AGPAT4: variants seen among roughly 807,000 people sequenced by gnomAD.
The protein encoded by AGPAT4 is 1-acylglycerol-3-phosphate O-acyltransferase 4.
AGPAT4 carries 15 observed loss-of-function variants against 48.0 expected under a neutral mutation model. That is an observed-to-expected ratio of 0.31 (90% confidence interval 0.21 to 0.48). The LOEUF (loss-of-function observed/expected upper bound fraction) is 0.48. Among genes scored for constraint, AGPAT4 ranks in the 20% least tolerant of loss-of-function variants. AGPAT4 has a pLI of 0.99. For synonymous variants in AGPAT4, 178 were observed against 198.7 expected (o/e 0.90, Z 0.88); for missense variants, 314 against 482.5 (o/e 0.65, Z 3.27).
At chr6:161,151,383 T>C (rs1417701927) in intron 5 of AGPAT4, among the ~76,000 whole-genome samples, 1 of 152,164 alleles carries the variant, frequency 6.6e-6, no homozygotes. Context: ...TTGTTAACTC[T>C]CCGTGATGAA....
rs35265636 is a variant in AGPAT4 at position 161,206,689 on chromosome 6, A to AT, written c.178+25346dup. ...TCACAACTTGAAAGAGAAAAAGACA[A>AT]TTGACACATGCCAACCCTGGGATGA... On this transcript the variant is annotated intron_variant, in intron 2 of 8. Coordinates refer to ENST00000320285, the MANE Select transcript of AGPAT4 (RefSeq NM_020133.3). The surrounding 1 kb of genome is among the most constrained non-coding windows in gnomAD (Gnocchi z 4.8). Among the ~76,000 whole-genome samples, 16,780 of 152,192 alleles carry AT rather than the reference A, an allele frequency of 0.11. 1,163 individuals are homozygous for AT. The highest frequency in any genetic ancestry group is 0.2 in the African/African-American group (8,203 of 41,500).
chr6:161,145,593 CTG>C (rs1346704576), intron 7 of AGPAT4, among the ~76,000 whole-genome samples: 1 of 151,630 alleles, frequency 6.6e-6, no homozygotes, highest in Non-Finnish European at 1.5e-5. Flanking sequence ...ATACTAGAGT[CTG>C]TTAAGAGTCT....
chr6:161,211,419 A>T (rs1464738250), intron 2 of AGPAT4, among the ~76,000 whole-genome samples: 1 of 152,180 alleles, frequency 6.6e-6, no homozygotes, highest in African/African-American at 2.4e-5. Context: ...TGAGGAAATA[A>T]AAGAGATGTA....
chr6:161,261,485 A>C lies in AGPAT4; in HGVS notation c.-90+12453T>G, dbSNP rs1479501350. Among the ~76,000 whole-genome samples, 1 of 152,214 alleles carries C rather than the reference A, an allele frequency of 6.6e-6. No homozygotes were observed. The highest frequency in any genetic ancestry group is 1.5e-5 in the Non-Finnish European group (1 of 68,032). Reference sequence around the variant, plus strand: ...CATAGAATGAATGAACTGAATGGTCAGTCACATTCACCACACTGCTCCAGG... The same window carrying C: ...CATAGAATGAATGAACTGAATGGTCCGTCACATTCACCACACTGCTCCAGG... On this transcript the variant is annotated intron_variant, in intron 1 of 8. Coordinates refer to ENST00000320285, the MANE Select transcript of AGPAT4 (RefSeq NM_020133.3). The surrounding 1 kb of genome is among the most constrained non-coding windows in gnomAD (Gnocchi z 5.3).
rs1779693296 is a variant in AGPAT4 at position 161,154,146 on chromosome 6, T to C, written c.510+3A>G. ...GGACACAGCTGCTCTGGTGCCTACA[T>C]ACAAAATACTTCTCGGGGTAGTCCC... On this transcript the variant is annotated splice_donor_region_variant and intron_variant, in intron 4 of 8. Coordinates refer to ENST00000320285, the MANE Select transcript of AGPAT4 (RefSeq NM_020133.3). This position sits in a 1 kb window ranked among gnomAD's most constrained non-coding sequence, Gnocchi z 7.8. 6.2e-7 allele frequency: 1 copy of C among 1,613,956 alleles called. No homozygotes were observed. The highest frequency in any genetic ancestry group is 1.1e-5 in the South Asian group (1 of 91,080).
intron 1 of AGPAT4, among the ~76,000 whole-genome samples, chr6:161,237,098 A>T (rs1782305409): frequency 6.6e-6 from 1 of 152,350 alleles, no homozygotes; most frequent in South Asian, 2.1e-4. Flanking sequence ...AGAAGGCCGC[A>T]TCTGACCCAT....
In AGPAT4 at chr6:161,259,411, C is replaced by G. The variant is rs17628112; in HGVS notation, c.-90+14527G>C. Among the ~76,000 whole-genome samples, 3,206 of 152,142 alleles carry G rather than the reference C, an allele frequency of 0.021. 319 individuals are homozygous for G. Among genetic ancestry groups the G allele is most frequent in the Admixed American group, 0.19 (2,845 of 15,274 alleles). On this transcript the variant is annotated intron_variant, in intron 1 of 8. Transcript: ENST00000320285. This position sits in a 1 kb window ranked among gnomAD's most constrained non-coding sequence, Gnocchi z 4.9. ...ACCTTGGCTGTCCGCAGCGCGTATG[C>G]TTTGAGTTGCTGGTGATCACGGACT...
At position 161,141,746 on chromosome 6, in the gene AGPAT4, T is replaced by C. The variant is rs901392775; in HGVS notation, c.844-2126A>G. 2.0e-5 allele frequency among the ~76,000 whole-genome samples: 3 copies of C among 152,196 alleles called. No homozygotes were observed. The highest frequency in any genetic ancestry group is 4.4e-5 in the Non-Finnish European group (3 of 68,016). On this transcript the variant is annotated intron_variant, in intron 7 of 8. Coordinates refer to ENST00000320285, the MANE Select transcript of AGPAT4 (RefSeq NM_020133.3). The surrounding 1 kb of genome is among the most constrained non-coding windows in gnomAD (Gnocchi z 6.7). The stretch of plus-strand genomic sequence containing the variant: ...CAAAGGGGAACTCACCATGGTGCCT[T>C]TTCTGTCTTGTTTCCAGAAAGACAT...
At position 161,189,051 on chromosome 6, in the gene AGPAT4, G is replaced by A. The variant is rs1455259224; in HGVS notation, c.179-22634C>T. ...TTCTTAGAATCTTAGTAATTTTGAA[G>A]TAATAAATCTGTGCCTATTTTATAT... On this transcript the variant is annotated intron_variant, in intron 2 of 8. Coordinates refer to ENST00000320285, the MANE Select transcript of AGPAT4 (RefSeq NM_020133.3). This position sits in a 1 kb window ranked among gnomAD's most constrained non-coding sequence, Gnocchi z 5.3. Among the ~76,000 whole-genome samples, 1 of 152,186 alleles carries A rather than the reference G, an allele frequency of 6.6e-6. No homozygotes were observed. Among genetic ancestry groups the A allele is most frequent in the Non-Finnish European group, 1.5e-5 (1 of 68,036 alleles).
At chr6:161,168,204 A>G (rs1025764130) in intron 2 of AGPAT4, among the ~76,000 whole-genome samples, 4 of 152,074 alleles carry the variant, frequency 2.6e-5, no homozygotes, top group East Asian at 1.9e-4. Context: ...ATTTGTTACC[A>G]TGGGGCACGA....
rs142389035 is a variant in AGPAT4, at chr6:161,177,628, C to G, written c.179-11211G>C. ...CTCGGAGAAGTTTGTTATTACTGAT[C>G]GTCTGAAGCCTTCTTTTCTCAACAT... On this transcript the variant is annotated intron_variant, in intron 2 of 8. Transcript: ENST00000320285. The surrounding 1 kb of genome is among the most constrained non-coding windows in gnomAD (Gnocchi z 5.0). 1.8e-4 allele frequency among the ~76,000 whole-genome samples: 28 copies of G among 152,260 alleles called. No homozygotes were observed. Among genetic ancestry groups the G allele is most frequent in the Middle Eastern group, 3.4e-3 (1 of 294 alleles).
At position 161,255,271 on chromosome 6, in the gene AGPAT4, T is replaced by C. The variant is rs1228849881; in HGVS notation, c.-90+18667A>G. On this transcript the variant is annotated intron_variant, in intron 1 of 8. Transcript: ENST00000320285. This position sits in a 1 kb window ranked among gnomAD's most constrained non-coding sequence, Gnocchi z 4.7. ...CCCTCTGCAAAATACCATTGCTTCT[T>C]TCGCTTCAGAAAAGATTTTGGGAAG... Among the ~76,000 whole-genome samples, 1 of 152,214 alleles carries C rather than the reference T, an allele frequency of 6.6e-6. No individual in the cohort carries two copies. The highest frequency in any genetic ancestry group is 1.5e-5 in the Non-Finnish European group (1 of 68,038).
At position 161,262,627 on chromosome 6, in the gene AGPAT4, C is replaced by A. The variant is rs3896164; in HGVS notation, c.-90+11311G>T. ...CTCTTAGGGGCTGAGTTCTCCCCTT[C>A]TGACCCACTGCAAGCTCTACCCCAC... On this transcript the variant is annotated intron_variant, in intron 1 of 8. Transcript: ENST00000320285. The surrounding 1 kb of genome is among the most constrained non-coding windows in gnomAD (Gnocchi z 4.9). 6.6e-6 allele frequency among the ~76,000 whole-genome samples: 1 copy of A among 152,196 alleles called. No homozygotes were observed. Among genetic ancestry groups the A allele is most frequent in the Non-Finnish European group, 1.5e-5 (1 of 68,038 alleles).
rs564044695 is a variant in AGPAT4 at position 161,274,032 on chromosome 6, G to A, written c.-184C>T. The A allele has an allele frequency of 6.6e-6, 1 of 151,144 alleles. No homozygotes were observed. Among genetic ancestry groups the A allele is most frequent in the African/African-American group, 2.4e-5 (1 of 41,140 alleles). The allele number at this position is 151,144 out of a possible 1,614,324, so 9.4% of individuals were successfully genotyped here. A position where few individuals can be genotyped will look rare whatever the true frequency, so the allele number is the denominator to read the frequency against. ...AAATTGCCACTAGTTTATAAGAGCT[G>A]TAAGTCAGCCAACACTGGAAAGAAA... On this transcript the variant is annotated 5_prime_UTR_variant, in exon 1 of 9. Coordinates refer to ENST00000320285, the MANE Select transcript of AGPAT4 (RefSeq NM_020133.3). The surrounding 1 kb of genome is among the most constrained non-coding windows in gnomAD (Gnocchi z 4.5).
intron 7 of AGPAT4, among the ~76,000 whole-genome samples, chr6:161,145,113 C>T (rs907513526): frequency 4.0e-5 from 6 of 151,720 alleles, no homozygotes; most frequent in Non-Finnish European, 5.9e-5. Context: ...GTTTCTCTGT[C>T]GGGGCACATA....
At position 161,135,973 on chromosome 6, in the gene AGPAT4, C is replaced by G. The variant is rs551565020; in HGVS notation, c.*567G>C. 6.4e-6 allele frequency: 1 copy of G among 155,050 alleles called. No homozygotes were observed. The highest frequency in any genetic ancestry group is 2.4e-5 in the African/African-American group (1 of 41,476). The allele number at this position is 155,050 out of a possible 1,614,324, so 9.6% of individuals were successfully genotyped here. The stretch of plus-strand genomic sequence containing the variant: ...TGCCCACCCCTCTCAGCTGCCCACA[C>G]CTCCGCGGCAGCTGCCTCCCGTGAG... On this transcript the variant is annotated 3_prime_UTR_variant, in exon 9 of 9. Transcript: ENST00000320285.
intron 1 of AGPAT4, among the ~76,000 whole-genome samples, chr6:161,237,552 T>C (rs1315404699): frequency 6.6e-6 from 1 of 152,182 alleles, no homozygotes; most frequent in Non-Finnish European, 1.5e-5. Flanking sequence ...TCAGCCAGTA[T>C]AGACCTTTAG....
intron 3 of AGPAT4, among the ~76,000 whole-genome samples, chr6:161,157,565 G>T (rs901509229): frequency 6.6e-6 from 1 of 152,086 alleles, no homozygotes; most frequent in Admixed American, 6.6e-5. Context: ...TGCCTGCCTC[G>T]GCCTCCCAAA....
intron 1 of AGPAT4, among the ~76,000 whole-genome samples, chr6:161,257,727 A>G (rs938841411): frequency 6.6e-6 from 1 of 152,198 alleles, no homozygotes; most frequent in Non-Finnish European, 1.5e-5. Context: ...GAATGTGGAC[A>G]AGAAGGAGAA....
Sources: gnomAD v4.1 joint callset for allele counts (sites outside exome capture counted in the v4.1 genomes callset) on GRCh38, gnomAD v4.1.1 for gene constraint, Gnocchi (gnomAD v3.1) non-coding constraint, MANE v1.5 for transcripts, NCBI Gene and HGNC (gene_info 2026-07-23, HGNC 2026-07-21) for gene names.